Variants in U2AF2 observed in about 807,000 individuals in gnomAD.
The protein encoded by U2AF2 is splicing factor U2AF 65 kDa subunit.
Under a neutral mutation model 52.6 loss-of-function variants are expected in U2AF2, and 6 were observed. That is an observed-to-expected ratio of 0.11 (90% CI 0.06 to 0.23). U2AF2 has a LOEUF of 0.23. Ranked by LOEUF, U2AF2 falls within the 10% of genes least tolerant of loss-of-function variation. The pLI, the probability that U2AF2 is intolerant of heterozygous loss-of-function variation, is 1.00. For synonymous variants in U2AF2, 284 were observed against 258.2 expected, an observed-to-expected ratio of 1.10 and a Z score of -0.96; for missense variants, 222 against 677.1, an observed-to-expected ratio of 0.33 and a Z score of 7.46.
Position 55,669,657 on chromosome 19 carries a change from C to A in U2AF2, c.1258C>A (p.Pro420Thr). Reference protein sequence around the residue: ...GLVKSIEIPRPVDGVEVPGCG... With the variant: ...GLVKSIEIPRTVDGVEVPGCG... Reference sequence around the variant, plus strand: ...TGTCAAGTCCATCGAGATCCCCCGGCCTGTGGACGGCGTCGAGGTGCCCGG... The same window carrying A: ...TGTCAAGTCCATCGAGATCCCCCGGACTGTGGACGGCGTCGAGGTGCCCGG... Residue 420 changes from proline to threonine, a missense_variant, in exon 11 of 12, where the codon CCT (proline) becomes ACT (threonine). Coordinates refer to ENST00000308924, the MANE Select transcript of U2AF2 (RefSeq NM_007279.3). 2 of 1,612,072 alleles carry A rather than the reference C, an allele frequency of 1.2e-6. No homozygotes were observed. The highest frequency in any genetic ancestry group is 1.7e-6 in the Non-Finnish European group (2 of 1,179,402).
chr19:55,673,612 A>G (rs2122135946), intron 11 of U2AF2, among the ~76,000 whole-genome samples: 1 of 152,270 alleles, frequency 6.6e-6, no homozygotes, highest in Admixed American at 6.5e-5. Flanking sequence ...TGTGGAGTAG[A>G]CACTCAGCAC....
intron 1 of U2AF2, among the ~76,000 whole-genome samples, chr19:55,655,665 C>T (rs180959154): frequency 6.6e-6 from 1 of 152,308 alleles, no homozygotes; most frequent in East Asian, 1.9e-4. Flanking sequence ...GAGGGCAGAG[C>T]CGTTTCGGCG....
At chr19:55,669,356 TG>T (rs529807811) in intron 10 of U2AF2, 87 bp from the exon 11 acceptor site, 7 of 1,543,248 alleles carry the variant, frequency 4.5e-6, no homozygotes, top group East Asian at 2.3e-5. Context: ...GCCTTTCCCC[TG>T]GGGGGGCATG....
chr19:55,655,072 A>C lies in U2AF2; in HGVS notation c.-33A>C. The stretch of plus-strand genomic sequence containing the variant: ...TGGAGCGGGCGGCAAGGCGAGGCGA[A>C]AGCTGCACAGGGCCCTACGCGGCCG... On this transcript the variant is annotated 5_prime_UTR_variant, in exon 1 of 12. Transcript: ENST00000308924. 6.2e-7 allele frequency: 1 copy of C among 1,606,206 alleles called. No individual in the cohort carries two copies. The highest frequency in any genetic ancestry group is 8.5e-7 in the Non-Finnish European group (1 of 1,177,688).
At chr19:55,658,948 C>T (rs1346351488) in intron 1 of U2AF2, 2 of 416,680 alleles carry the variant, frequency 4.8e-6, no homozygotes, top group African/African-American at 2.1e-5. Context: ...CCTCTGTCTT[C>T]TCTGGCTCCC....
chr19:55,656,177 C>T (rs1035643188), intron 1 of U2AF2, among the ~76,000 whole-genome samples: 1 of 152,236 alleles, frequency 6.6e-6, no homozygotes, highest in East Asian at 1.9e-4. Flanking sequence ...CTTTAAAAAT[C>T]CTCCGTGTTT....
intron 1 of U2AF2, among the ~76,000 whole-genome samples, chr19:55,658,160 T>G (rs1179739325): frequency 6.6e-6 from 1 of 152,162 alleles, no homozygotes; most frequent in Middle Eastern, 3.2e-3. Flanking sequence ...CCAGGGATGA[T>G]CACTCCAGGA....
intron 2 of U2AF2, 32 bp from the exon 3 acceptor site, chr19:55,660,145 C>A: frequency 6.3e-7 from 1 of 1,588,068 alleles, no homozygotes; most frequent in Non-Finnish European, 8.6e-7. Context: ...CCCCAGTCAC[C>A]CCTCCCCATA....
At chr19:55,658,963 T>C (rs1228142256) in intron 1 of U2AF2, 2 of 454,118 alleles carry the variant, frequency 4.4e-6, no homozygotes, top group Non-Finnish European at 7.1e-6. Context: ...GCTCCCCAGC[T>C]CCTCCTGAGC....
intron 1 of U2AF2, among the ~76,000 whole-genome samples, chr19:55,655,358 G>A (rs1983713262): frequency 6.6e-6 from 1 of 152,182 alleles, no homozygotes; most frequent in African/African-American, 2.4e-5. Flanking sequence ...GCGGGGCGCG[G>A]GCCCGTGACG....
chr19:55,663,194 CTCTCACTCTGTCTT>C (rs1984329253), intron 6 of U2AF2, among the ~76,000 whole-genome samples: 1 of 152,170 alleles, frequency 6.6e-6, no homozygotes, highest in African/African-American at 2.4e-5. Flanking sequence ...CACTCTGTCC[CTCTCACTCTGTCTT>C]TGCCTCACTG....
chr19:55,655,854 C>T (rs902660589), intron 1 of U2AF2, among the ~76,000 whole-genome samples: 3 of 152,250 alleles, frequency 2.0e-5, no homozygotes, highest in African/African-American at 7.2e-5. Context: ...CGCACACATC[C>T]TGCATATGCG....
chr19:55,673,154 G>C (rs1399526048), intron 11 of U2AF2, among the ~76,000 whole-genome samples: 3 of 148,806 alleles, frequency 2.0e-5, no homozygotes, highest in Non-Finnish European at 4.5e-5. Flanking sequence ...CCTGACCTCA[G>C]GTGATCCATC....
At chr19:55,663,814 G>A in intron 7 of U2AF2, 70 bp downstream of exon 7, 1 of 1,592,650 alleles carries the variant, frequency 6.3e-7, no homozygotes, top group Non-Finnish European at 8.6e-7. Flanking sequence ...CATCCCTTCA[G>A]CCCAGCTGGA....
intron 7 of U2AF2, among the ~76,000 whole-genome samples, chr19:55,667,022 G>T (rs776388792): frequency 6.6e-5 from 10 of 152,182 alleles, no homozygotes; most frequent in Non-Finnish European, 8.8e-5. Context: ...TGGGGTGAGT[G>T]CCCGGTGTGT....
rs946568375 is a variant in U2AF2, at chr19:55,668,265, C to T, written c.743-242C>T. 1.3e-5 allele frequency among the ~76,000 whole-genome samples: 2 copies of T among 152,030 alleles called. No homozygotes were observed. The highest frequency in any genetic ancestry group is 6.5e-5 in the Admixed American group (1 of 15,270). ...TGGAGGATGTTCTAGTTTGAGGTTCCCCTGAGGCTGGGCAGATTTGGGAGA... is the reference window on the plus strand; with the variant it reads ...TGGAGGATGTTCTAGTTTGAGGTTCTCCTGAGGCTGGGCAGATTTGGGAGA... On this transcript the variant is annotated intron_variant, in intron 7 of 11. Transcript: ENST00000308924. This position sits in a 1 kb window ranked among gnomAD's most constrained non-coding sequence, Gnocchi z 5.5.
At position 55,669,198 on chromosome 19, in the gene U2AF2, T is replaced by C. The variant is rs1353789645; in HGVS notation, c.1044+17T>C. Reference sequence around the variant, plus strand: ...AGCCCCCCGGCACGTCATCTTCCATTGGCTTGAGGGACCCTGGGGGTGGGA... The same window carrying C: ...AGCCCCCCGGCACGTCATCTTCCATCGGCTTGAGGGACCCTGGGGGTGGGA... On this transcript the variant is annotated intron_variant, in intron 10 of 11. Transcript: ENST00000308924. 1 of 1,613,038 alleles carries C rather than the reference T, an allele frequency of 6.2e-7. No homozygotes were observed. The highest frequency in any genetic ancestry group is 8.5e-7 in the Non-Finnish European group (1 of 1,179,492).
intron 7 of U2AF2, among the ~76,000 whole-genome samples, chr19:55,664,614 T>C (rs1179213528): frequency 6.6e-6 from 1 of 152,210 alleles, no homozygotes; most frequent in African/African-American, 2.4e-5. Context: ...CTTTAGGAAC[T>C]GAGTCAGCTC....
intron 1 of U2AF2, among the ~76,000 whole-genome samples, chr19:55,656,404 C>T (rs745306787): frequency 1.3e-5 from 2 of 152,352 alleles, no homozygotes; most frequent in Middle Eastern, 3.4e-3. Flanking sequence ...AGTTGATGGA[C>T]TGCTCAAGAG....
Sources: allele counts gnomAD v4.1 joint callset (sites outside exome capture counted in the v4.1 genomes callset), GRCh38; gene constraint gnomAD v4.1.1; non-coding constraint Gnocchi (gnomAD v3.1); transcripts MANE v1.5; gene names NCBI Gene and HGNC (gene_info 2026-07-23, HGNC 2026-07-21).